Variants in DLG2 observed in about 807,000 individuals in gnomAD.
DLG2 encodes discs large MAGUK scaffold protein 2.
In DLG2, 45 loss-of-function variants were observed where a neutral mutation model predicts 132.5. That is an observed-to-expected ratio of 0.34 (90% CI 0.27 to 0.44). The LOEUF is 0.44. Among genes scored for constraint, DLG2 ranks in the 20% least tolerant of loss-of-function variants. The pLI is 1.00. For synonymous variants in DLG2, 424 were observed against 419.6 expected (o/e 1.01, Z -0.13); for missense variants, 1,045 against 1,196.9 (o/e 0.87, Z 1.87).
intron 3 of DLG2, among the ~76,000 whole-genome samples, chr11:85,549,176 T>C (rs56256400): frequency 0.22 from 33,339 of 152,058 alleles, 4,333 homozygotes; most frequent in African/African-American, 0.34. Flanking sequence ...GGGAAAAGCA[T>C]AGTATCTGGG....
intron 9 of DLG2, among the ~76,000 whole-genome samples, chr11:84,105,587 C>A (rs1479891376): frequency 6.6e-6 from 1 of 152,086 alleles, no homozygotes; most frequent in Non-Finnish European, 1.5e-5. Context: ...TGCATTTTAA[C>A]CTACACTGAT....
intron 6 of DLG2, among the ~76,000 whole-genome samples, chr11:84,730,700 C>T (rs1211515869): frequency 2.0e-5 from 3 of 152,090 alleles, no homozygotes; most frequent in Middle Eastern, 3.4e-3. Flanking sequence ...TTTTCCTTAT[C>T]AGCTCCCTTT....
At chr11:84,998,485 G>A (rs1484256956) in intron 6 of DLG2, among the ~76,000 whole-genome samples, 1 of 151,972 alleles carries the variant, frequency 6.6e-6, no homozygotes, top group Non-Finnish European at 1.5e-5. Context: ...TTACCATCTT[G>A]GGTATTTCTT....
intron 11 of DLG2, among the ~76,000 whole-genome samples, chr11:83,999,696 C>G (rs189890615): frequency 8.5e-5 from 13 of 152,164 alleles, no homozygotes; most frequent in Admixed American, 6.5e-4. Context: ...AGAACTTCAT[C>G]GTATCCTCCA....
intron 6 of DLG2, among the ~76,000 whole-genome samples, chr11:84,642,062 A>C (rs1565535213): frequency 8.0e-6 from 1 of 124,648 alleles, no homozygotes. Flanking sequence ...ATATATACGC[A>C]CGCGTGTGTG....
intron 4 of DLG2, among the ~76,000 whole-genome samples, chr11:85,242,686 C>A (rs1203352787): frequency 6.6e-6 from 1 of 151,542 alleles, no homozygotes; most frequent in Non-Finnish European, 1.5e-5. Flanking sequence ...ATTTATTATA[C>A]CAAATAATTG....
intron 4 of DLG2, 95 bp downstream of exon 4, chr11:85,285,125 C>T (rs564916234): frequency 4.1e-5 from 44 of 1,070,148 alleles, no homozygotes; most frequent in Non-Finnish European, 5.5e-5. Context: ...ATTGTTGTTG[C>T]CATTTGTTGA....
At chr11:84,023,623 A>G (rs2154080091) in intron 11 of DLG2, among the ~76,000 whole-genome samples, 1 of 152,300 alleles carries the variant, frequency 6.6e-6, no homozygotes, top group African/African-American at 2.4e-5. Flanking sequence ...GTTTCTCAAT[A>G]AATATATTGG....
intron 4 of DLG2, among the ~76,000 whole-genome samples, chr11:85,185,915 CT>C: frequency 6.6e-6 from 1 of 152,040 alleles, no homozygotes; most frequent in South Asian, 2.1e-4. Context: ...TAAGGGAAAA[CT>C]GAGGCCTAGA....
intron 9 of DLG2, among the ~76,000 whole-genome samples, chr11:84,137,174 C>A (rs868148842): frequency 7.9e-5 from 12 of 152,222 alleles, no homozygotes; most frequent in African/African-American, 2.9e-4. Flanking sequence ...TGGGGCCTGG[C>A]AATTCAGTGG....
chr11:85,236,044 T>C (rs1043871144), intron 4 of DLG2, among the ~76,000 whole-genome samples: 1 of 151,840 alleles, frequency 6.6e-6, no homozygotes, highest in African/African-American at 2.4e-5. Flanking sequence ...ACCAAGCAGA[T>C]AAGAGATGGC....
intron 3 of DLG2, among the ~76,000 whole-genome samples, chr11:85,568,008 T>C (rs1234094889): frequency 6.6e-6 from 1 of 151,276 alleles, no homozygotes; most frequent in Non-Finnish European, 1.5e-5. Flanking sequence ...TTTAATGTGC[T>C]ACTAGATTTT....
At chr11:84,839,999 T>C (rs1599412224) in intron 6 of DLG2, among the ~76,000 whole-genome samples, 1 of 152,184 alleles carries the variant, frequency 6.6e-6, no homozygotes, top group South Asian at 2.1e-4. Context: ...TGAGATCCAA[T>C]TAAACTAGAG....
At chr11:83,656,324 AC>A (rs2072433836) in intron 18 of DLG2, among the ~76,000 whole-genome samples, 1 of 152,182 alleles carries the variant, frequency 6.6e-6, no homozygotes, top group African/African-American at 2.4e-5. Flanking sequence ...GGCAACAAGA[AC>A]TGTCTTAGAG....
chr11:84,042,270 T>A (rs562276371), intron 11 of DLG2, among the ~76,000 whole-genome samples: 1 of 151,908 alleles, frequency 6.6e-6, no homozygotes, highest in African/African-American at 2.4e-5. Flanking sequence ...ATTTTCAGAA[T>A]CTATAGTCTT....
At chr11:83,753,863 T>TGAAA (rs1566832657) in intron 18 of DLG2, among the ~76,000 whole-genome samples, 2 of 12,158 alleles carry the variant, frequency 1.6e-4, no homozygotes, top group Non-Finnish European at 2.5e-4. Flanking sequence ...CATATATATA[T>TGAAA]TTCATATATA....
chr11:83,682,432 CT>C, intron 18 of DLG2: 1 of 985,296 alleles, frequency 1.0e-6, no homozygotes, highest in African/African-American at 1.7e-5. Context: ...ATATATCAGC[CT>C]TAGAAGCAGT....
chr11:83,698,898 G>C (rs1216193323), intron 18 of DLG2, among the ~76,000 whole-genome samples: 3 of 152,174 alleles, frequency 2.0e-5, no homozygotes, highest in South Asian at 2.1e-4. Context: ...GAGAGGCAGA[G>C]GGCTGCTAAA....
At chr11:85,116,984 A>T (rs1377121345) in intron 5 of DLG2, among the ~76,000 whole-genome samples, 1 of 152,002 alleles carries the variant, frequency 6.6e-6, no homozygotes, top group African/African-American at 2.4e-5. Flanking sequence ...TGGGTTTAGG[A>T]GGTCAGTATA....
Sources: gnomAD v4.1 joint callset for allele counts (sites outside exome capture counted in the v4.1 genomes callset) on GRCh38, gnomAD v4.1.1 for gene constraint, MANE v1.5 for transcripts, NCBI Gene and HGNC (gene_info 2026-07-23, HGNC 2026-07-21) for gene names.